The following PCDHGA12 variants were observed in gnomAD, a reference collection of about 807,000 sequenced individuals.
PCDHGA12 encodes the protein protocadherin gamma subfamily A, 12.
Under a neutral mutation model 61.1 loss-of-function variants are expected in PCDHGA12, and 43 were observed. That is an observed-to-expected ratio of 0.70 (90% CI 0.55 to 0.91). The LOEUF (loss-of-function observed/expected upper bound fraction) is 0.91. PCDHGA12 is among the 40% of genes least tolerant of loss of function. The pLI, the probability that PCDHGA12 is intolerant of heterozygous loss-of-function variation, is 0.00. For synonymous variants in PCDHGA12, 520 were observed against 542.9 expected (o/e 0.96, Z 0.59); for missense variants, 1,236 against 1,227.7 (o/e 1.01, Z -0.10).
In PCDHGA12 at chr5:141,490,267, G is replaced by A. The variant is rs765238578; in HGVS notation, c.2425-4540G>A. ...TGTGATTCAAGTGGATGTGGGGGAT[G>A]TCAATGACAATGCCCCAGAGGTGCT... On this transcript the variant is annotated intron_variant, in intron 1 of 3. Transcript: ENST00000252085. The surrounding 1 kb of genome is among the most constrained non-coding windows in gnomAD (Gnocchi z 5.4). The A allele has an allele frequency of 6.2e-7, 1 of 1,614,242 alleles. No homozygotes were observed. The highest frequency in any genetic ancestry group is 1.1e-5 in the South Asian group (1 of 91,084).
Position 141,511,451 on chromosome 5 carries a change from A to G in PCDHGA12, c.*278A>G, listed in dbSNP as rs2099883797. On this transcript the variant is annotated 3_prime_UTR_variant, in exon 4 of 4. Coordinates refer to ENST00000252085, the MANE Select transcript of PCDHGA12 (RefSeq NM_003735.3). ...GGGGTTACTGTAGACACCAAGAACC[A>G]TTTGCCACACCCCGTTTAGTTACAG... is the stretch of plus-strand genomic sequence containing the variant. The G allele has an allele frequency of 4.9e-6, 3 of 606,372 alleles. No homozygotes were observed. Among genetic ancestry groups the G allele is most frequent in the Non-Finnish European group, 8.1e-6 (3 of 368,942 alleles). The allele number at this position is 606,372 out of a possible 1,614,324, so 37.6% of individuals were successfully genotyped here.
At chr5:141,479,975 C>A (rs1459297521) in intron 1 of PCDHGA12, among the ~76,000 whole-genome samples, 1 of 152,186 alleles carries the variant, frequency 6.6e-6, no homozygotes, top group East Asian at 1.9e-4. Context: ...TGAGGTTCTA[C>A]CATTTACCAA....
chr5:141,451,216 A>G (rs1561943760), intron 1 of PCDHGA12, among the ~76,000 whole-genome samples: 1 of 152,204 alleles, frequency 6.6e-6, no homozygotes, highest in Non-Finnish European at 1.5e-5. Context: ...TTAGTGGCTT[A>G]AAAGAAGCAT....
chr5:141,438,368 G>A (rs1216571092), intron 1 of PCDHGA12, among the ~76,000 whole-genome samples: 2 of 151,558 alleles, frequency 1.3e-5, no homozygotes, highest in African/African-American at 4.8e-5. Context: ...GTCATTGAGG[G>A]CAGATATAAT....
intron 1 of PCDHGA12, among the ~76,000 whole-genome samples, chr5:141,455,246 G>A (rs2098817522): frequency 6.6e-6 from 1 of 151,962 alleles, no homozygotes; most frequent in Non-Finnish European, 1.5e-5. Context: ...AAAGGTCATA[G>A]TACAATCGCA....
intron 1 of PCDHGA12, among the ~76,000 whole-genome samples, chr5:141,470,752 C>T (rs1427502169): frequency 6.6e-6 from 1 of 152,178 alleles, no homozygotes; most frequent in Non-Finnish European, 1.5e-5. Flanking sequence ...GGCTGGAGTG[C>T]AGTGGACTCA....
Position 141,490,888 on chromosome 5 carries a change from C to G in PCDHGA12, c.2425-3919C>G. The G allele has an allele frequency of 1.2e-6, 2 of 1,613,358 alleles. No individual in the cohort carries two copies. The highest frequency in any genetic ancestry group is 1.7e-6 in the Non-Finnish European group (2 of 1,179,390). On this transcript the variant is annotated intron_variant, in intron 1 of 3. Transcript: ENST00000252085. This position sits in a 1 kb window ranked among gnomAD's most constrained non-coding sequence, Gnocchi z 5.4. Reference sequence around the variant, plus strand: ...TCCCCCATTGCATGCCAACACATCTCTGCATGTGTTTGTCCTAGACGAGAA... The same window carrying G: ...TCCCCCATTGCATGCCAACACATCTGTGCATGTGTTTGTCCTAGACGAGAA...
chr5:141,492,829 C>T (rs2099744241), intron 1 of PCDHGA12, among the ~76,000 whole-genome samples: 1 of 152,232 alleles, frequency 6.6e-6, no homozygotes, highest in Non-Finnish European at 1.5e-5. Context: ...CGGCCCCTTC[C>T]TCCCGCAGGA....
rs2099884159 is a variant in PCDHGA12 at position 141,512,278 on chromosome 5, G to A, written c.*1105G>A. 6.5e-6 allele frequency: 1 copy of A among 152,812 alleles called. No homozygotes were observed. Among genetic ancestry groups the A allele is most frequent in the Non-Finnish European group, 1.5e-5 (1 of 68,170 alleles). 9.5% of individuals were successfully genotyped at this position (152,812 alleles called of 1,614,324 possible). A position where few individuals can be genotyped will look rare whatever the true frequency, so the allele number is the denominator to read the frequency against. ...TGCTGGGTACTCCAGAGGTGCCACT[G>A]GTGGAAGGGTCAGCGGAGCCCCAGC... On this transcript the variant is annotated 3_prime_UTR_variant, in exon 4 of 4. Coordinates refer to ENST00000252085, the MANE Select transcript of PCDHGA12 (RefSeq NM_003735.3).
chr5:141,489,428 G>A lies in PCDHGA12; in HGVS notation c.2425-5379G>A, dbSNP rs561792279. The A allele has an allele frequency of 2.5e-5, 40 of 1,614,112 alleles. No homozygotes were observed. In the Middle Eastern group the frequency reaches 4.9e-4, roughly 20 times the overall value. ...AAGATGACAGATCTGTTGAGCCGGC[G>A]GCTGCAATTGGGCTCTGAGGAGAAT... On this transcript the variant is annotated intron_variant, in intron 1 of 3. Transcript: ENST00000252085. This position sits in a 1 kb window ranked among gnomAD's most constrained non-coding sequence, Gnocchi z 4.5.
intron 3 of PCDHGA12, among the ~76,000 whole-genome samples, chr5:141,509,841 C>T (rs546036990): frequency 2.0e-5 from 3 of 152,326 alleles, no homozygotes; most frequent in African/African-American, 7.2e-5. Context: ...ACCTCCCATT[C>T]ACTCAGAACA....
intron 1 of PCDHGA12, among the ~76,000 whole-genome samples, chr5:141,460,914 A>G (rs62379191): frequency 4.9e-5 from 6 of 122,236 alleles, no homozygotes; most frequent in Non-Finnish European, 5.2e-5. Context: ...TCCATGGTGT[A>G]TATATATATA....
In PCDHGA12 at chr5:141,431,028, T is replaced by C. The variant is rs367575636; in HGVS notation, c.269T>C (p.Ile90Thr). Residue 90 changes from isoleucine (I) to threonine (T), a missense_variant, in exon 1 of 4, where the codon ATA becomes ACA. By Grantham distance (89) the Ile-to-Thr change is moderately conservative. Transcript: ENST00000252085. This position sits in a 1 kb window ranked among gnomAD's most constrained non-coding sequence, Gnocchi z 4.8. ...GGCAGCTTGGTCACGGCGGGCAGGA[T>C]AGACCGGGAGGAGCTCTGTATGGGG... The part of the protein sequence containing the change: ...RSGSLVTAGR[I>T]DREELCMGAI... The C allele has an allele frequency of 6.2e-7, 1 of 1,613,986 alleles. No homozygotes were observed. Among genetic ancestry groups the C allele is most frequent in the Admixed American group, 1.7e-5 (1 of 60,022 alleles).
At chr5:141,464,480 A>T (rs1013894368) in intron 1 of PCDHGA12, among the ~76,000 whole-genome samples, 4 of 151,864 alleles carry the variant, frequency 2.6e-5, no homozygotes, top group African/African-American at 7.3e-5. Flanking sequence ...CGTATAATAA[A>T]TTCCTAATAG....
chr5:141,466,197 G>A (rs2099118639), intron 1 of PCDHGA12, among the ~76,000 whole-genome samples: 1 of 151,666 alleles, frequency 6.6e-6, no homozygotes, highest in South Asian at 2.1e-4. Flanking sequence ...TTCAGACACA[G>A]CCTTGCTCTG....
chr5:141,456,446 T>C (rs1053843910), intron 1 of PCDHGA12, among the ~76,000 whole-genome samples: 2 of 151,782 alleles, frequency 1.3e-5, no homozygotes, highest in Admixed American at 1.3e-4. Context: ...GTATACAGAG[T>C]CCAAATATCA....
In PCDHGA12 at chr5:141,490,594, C is replaced by A. The variant is rs1276468877; in HGVS notation, c.2425-4213C>A. The A allele has an allele frequency of 2.5e-6, 4 of 1,614,056 alleles. No individual in the cohort carries two copies. The highest frequency in any genetic ancestry group is 1.6e-4 in the Middle Eastern group (1 of 6,084). On this transcript the variant is annotated intron_variant, in intron 1 of 3. Transcript: ENST00000252085. The surrounding 1 kb of genome is among the most constrained non-coding windows in gnomAD (Gnocchi z 5.4). ...CATTTCAGATGTCAATGACAATGCA[C>A]CCCGCTTCAACCAGCAGCTTTACAC...
intron 2 of PCDHGA12, among the ~76,000 whole-genome samples, chr5:141,495,826 A>G (rs1190417828): frequency 6.6e-6 from 1 of 150,888 alleles, no homozygotes; most frequent in African/African-American, 2.4e-5. Flanking sequence ...GTGTTCTTCT[A>G]TCCCCAGCCT....
At chr5:141,505,977 G>A (rs944259753) in intron 3 of PCDHGA12, among the ~76,000 whole-genome samples, 1 of 152,150 alleles carries the variant, frequency 6.6e-6, no homozygotes, top group East Asian at 1.9e-4. Flanking sequence ...CCAGCCGAGA[G>A]AACACCTCCT....
Sources: allele counts gnomAD v4.1 joint callset (sites outside exome capture counted in the v4.1 genomes callset), GRCh38; gene constraint gnomAD v4.1.1; non-coding constraint Gnocchi (gnomAD v3.1); transcripts MANE v1.5; gene names NCBI Gene and HGNC (gene_info 2026-07-23, HGNC 2026-07-21).